The following NEMP2 variants were observed in gnomAD, a reference collection of about 807,000 sequenced individuals.
NEMP2 encodes UPF0571 transmembrane protein.
In NEMP2, 53 loss-of-function variants were observed where a neutral mutation model predicts 54.2. The observed-to-expected ratio is 0.98, with a 90% CI of 0.78 to 1.23. NEMP2 has a LOEUF of 1.23. Ranked by LOEUF, NEMP2 falls within the 50% of genes most tolerant of loss-of-function variation. NEMP2 has a pLI of 0.00. For missense variants in NEMP2, 455 were observed against 511.3 expected (o/e 0.89, Z 1.06); for synonymous variants, 197 against 190.3 (o/e 1.04, Z -0.29).
At chr2:190,499,904 G>C, downstream of NEMP2, 1 of 1,571,888 alleles carries the variant, frequency 6.4e-7, no homozygotes, top group Non-Finnish European at 8.7e-7. The surrounding 1 kb of genome is among the most constrained non-coding windows in gnomAD (Gnocchi z 6.0). Flanking sequence ...CCTGAAATGG[G>C]CACTTCCGGA....
chr2:190,593,981 TG>T, the NEMP2 span, among the ~76,000 whole-genome samples: 6 of 152,216 alleles, frequency 3.9e-5, no homozygotes, highest in African/African-American at 1.2e-4. This position sits in a 1 kb window ranked among gnomAD's most constrained non-coding sequence, Gnocchi z 4.5. Flanking sequence ...CTTCTCCACC[TG>T]TAACTCACCA....
At chr2:190,466,873 TC>T in the NEMP2 span, among the ~76,000 whole-genome samples, 9 of 152,132 alleles carry the variant, frequency 5.9e-5, no homozygotes, top group African/African-American at 9.7e-5. Context: ...GACCTAAGGG[TC>T]CCAGAAGTTG....
the NEMP2 span, among the ~76,000 whole-genome samples, chr2:190,614,904 C>T: frequency 6.6e-6 from 1 of 152,182 alleles, no homozygotes; most frequent in African/African-American, 2.4e-5. This position sits in a 1 kb window ranked among gnomAD's most constrained non-coding sequence, Gnocchi z 5.7. Flanking sequence ...GATCTCCTGG[C>T]ATCTGGAGGG....
Position 190,514,706 on chromosome 2 carries a change from A to T in NEMP2, c.728-28T>A, listed in dbSNP as rs1475821482. 2.0e-6 allele frequency: 3 copies of T among 1,537,016 alleles called. No individual in the cohort carries two copies. ...GGAAAAGTGGAAGAGGTAAAATAATATAAATTTGAATTTGAGACATTATGT... is the reference window on the plus strand; with the variant it reads ...GGAAAAGTGGAAGAGGTAAAATAATTTAAATTTGAATTTGAGACATTATGT... On this transcript the variant is annotated intron_variant, in intron 6 of 8. Transcript: ENST00000409150. This position sits in a 1 kb window ranked among gnomAD's most constrained non-coding sequence, Gnocchi z 5.7.
chr2:190,559,345 G>C, the NEMP2 span, among the ~76,000 whole-genome samples: 2 of 152,200 alleles, frequency 1.3e-5, no homozygotes, highest in Admixed American at 1.3e-4. The surrounding 1 kb of genome is among the most constrained non-coding windows in gnomAD (Gnocchi z 4.0). Context: ...GAGAGTTGCA[G>C]CTCAGGAAGA....
rs2125324389 is a variant in NEMP2, at chr2:190,519,755, TG to T, written c.214-573del. On this transcript the variant is annotated intron_variant, in intron 2 of 8. Transcript: ENST00000409150. The surrounding 1 kb of genome is among the most constrained non-coding windows in gnomAD (Gnocchi z 5.4). Reference sequence around the variant, plus strand: ...AAGTCCCTCTTCTAGCAAGTTATTGTGGCCAAGAGACATTAAAAAGGATAAG... The same window carrying T: ...AAGTCCCTCTTCTAGCAAGTTATTGTGCCAAGAGACATTAAAAAGGATAAG... Among the ~76,000 whole-genome samples, 1 of 152,330 alleles carries T rather than the reference TG, an allele frequency of 6.6e-6. No homozygotes were observed. The highest frequency in any genetic ancestry group is 2.1e-4 in the South Asian group (1 of 4,832).
At chr2:190,555,168 C>T in the NEMP2 span, among the ~76,000 whole-genome samples, 1 of 151,966 alleles carries the variant, frequency 6.6e-6, no homozygotes, top group African/African-American at 2.4e-5. The surrounding 1 kb of genome is among the most constrained non-coding windows in gnomAD (Gnocchi z 4.8). Flanking sequence ...TTTGAAGGTC[C>T]CCAAATTCAA....
At chr2:190,463,743 T>C in the NEMP2 span, 1 of 324,572 alleles carries the variant, frequency 3.1e-6, no homozygotes, top group Non-Finnish European at 4.4e-6. This position sits in a 1 kb window ranked among gnomAD's most constrained non-coding sequence, Gnocchi z 4.4. Context: ...TCACCTGGGC[T>C]CTGGTGGTCA....
chr2:190,499,951 A>G (rs1689939985), downstream of NEMP2: 8 of 1,603,932 alleles, frequency 5.0e-6, no homozygotes, highest in South Asian at 2.2e-5. The surrounding 1 kb of genome is among the most constrained non-coding windows in gnomAD (Gnocchi z 6.0). Context: ...TTGAAAGCAT[A>G]TATAAAAAGT....
chr2:190,501,436 C>G (rs367642212), downstream of NEMP2: 7 of 152,184 alleles, frequency 4.6e-5, no homozygotes, highest in East Asian at 9.6e-4. Context: ...GTGGATCGCA[C>G]GTAAAGCTTG....
chr2:190,449,679 C>T, the NEMP2 span, among the ~76,000 whole-genome samples: 2 of 152,084 alleles, frequency 1.3e-5, no homozygotes, highest in East Asian at 1.9e-4. Context: ...AAATACTATG[C>T]AGCCATAAAA....
the NEMP2 span, chr2:190,436,942 T>C: frequency 6.2e-7 from 1 of 1,614,234 alleles, no homozygotes; most frequent in Non-Finnish European, 8.5e-7. This position sits in a 1 kb window ranked among gnomAD's most constrained non-coding sequence, Gnocchi z 5.3. Flanking sequence ...CAGTGCCTCT[T>C]CTGTCACAAT....
the NEMP2 span, among the ~76,000 whole-genome samples, chr2:190,549,743 T>A: frequency 6.6e-6 from 1 of 152,234 alleles, no homozygotes. Context: ...CTTTGATATC[T>A]GATATCAGAT....
chr2:190,563,426 C>T, the NEMP2 span, among the ~76,000 whole-genome samples: 6 of 152,102 alleles, frequency 3.9e-5, no homozygotes, highest in Non-Finnish European at 5.9e-5. The surrounding 1 kb of genome is among the most constrained non-coding windows in gnomAD (Gnocchi z 4.3). Context: ...GCGGTAGTGG[C>T]GGGGTGAGGG....
chr2:190,587,869 G>A, the NEMP2 span, among the ~76,000 whole-genome samples: 6 of 152,034 alleles, frequency 3.9e-5, no homozygotes, highest in Non-Finnish European at 5.9e-5. The surrounding 1 kb of genome is among the most constrained non-coding windows in gnomAD (Gnocchi z 5.4). Flanking sequence ...CCAGCCGAGG[G>A]GTCAACCTCA....
the NEMP2 span, among the ~76,000 whole-genome samples, chr2:190,599,185 A>G: frequency 6.6e-6 from 1 of 152,224 alleles, no homozygotes; most frequent in East Asian, 1.9e-4. Context: ...ATCTATAAAT[A>G]GAGGACAGAA....
chr2:190,639,646 T>TG, the NEMP2 span, among the ~76,000 whole-genome samples: 4 of 146,716 alleles, frequency 2.7e-5, no homozygotes, highest in African/African-American at 9.8e-5. Flanking sequence ...GTTTTTTTTT[T>TG]TTGTTTTTTG....
the NEMP2 span, among the ~76,000 whole-genome samples, chr2:190,423,094 A>C: frequency 6.6e-6 from 1 of 152,208 alleles, no homozygotes; most frequent in African/African-American, 2.4e-5. The surrounding 1 kb of genome is among the most constrained non-coding windows in gnomAD (Gnocchi z 4.3). Flanking sequence ...GTGGATTCAC[A>C]TGTAGTTGTT....
At chr2:190,455,682 T>C in the NEMP2 span, among the ~76,000 whole-genome samples, 2 of 151,830 alleles carry the variant, frequency 1.3e-5, no homozygotes, top group African/African-American at 4.8e-5. Context: ...GAGAACATTA[T>C]AGAATTGTTA....
Sources: gnomAD v4.1 joint callset for allele counts (sites outside exome capture counted in the v4.1 genomes callset) on GRCh38, gnomAD v4.1.1 for gene constraint, Gnocchi (gnomAD v3.1) non-coding constraint, MANE v1.5 for transcripts, NCBI Gene and HGNC (gene_info 2026-07-23, HGNC 2026-07-21) for gene names.